The following MDGA2 variants were observed in gnomAD, a reference collection of about 807,000 sequenced individuals.
MDGA2 encodes MAM domain containing glycosylphosphatidylinositol anchor 2, also known as MAM domain-containing glycosylphosphatidylinositol anchor protein 2.
A neutral mutation model predicts 117.8 loss-of-function variants in MDGA2; 40 were observed. The ratio of observed to expected loss-of-function variants is 0.34; its 90% CI spans 0.26 to 0.44. MDGA2 has a LOEUF of 0.44. Ranked by LOEUF, MDGA2 falls within the 20% of genes least tolerant of loss-of-function variation. The pLI is 1.00. For synonymous variants in MDGA2, 452 were observed against 439.0 expected (o/e 1.03, Z -0.37); for missense variants, 1,123 against 1,250.6 (o/e 0.90, Z 1.54).
At chr14:46,912,824 C>G (rs774748091) in intron 10 of MDGA2, among the ~76,000 whole-genome samples, 1 of 152,152 alleles carries the variant, frequency 6.6e-6, no homozygotes, top group Non-Finnish European at 1.5e-5. Flanking sequence ...TCAAATTTAC[C>G]ATTTATATAT....
chr14:47,627,352 C>G (rs1334664365), intron 1 of MDGA2, among the ~76,000 whole-genome samples: 1 of 149,940 alleles, frequency 6.7e-6, no homozygotes, highest in Non-Finnish European at 1.5e-5. Context: ...CACCAACTGG[C>G]ACTCTGTGTC....
At chr14:46,860,620 T>G (rs917775795) in intron 14 of MDGA2, among the ~76,000 whole-genome samples, 7 of 152,012 alleles carry the variant, frequency 4.6e-5, no homozygotes, top group Non-Finnish European at 1.5e-5. Context: ...CAAACTTGTC[T>G]TCCACAGAAC....
intron 8 of MDGA2, among the ~76,000 whole-genome samples, chr14:47,022,006 C>T (rs4900722): frequency 0.85 from 129,401 of 152,188 alleles, 55,116 homozygotes; most frequent in East Asian, 0.97. Context: ...AAAAACTGTA[C>T]GTGTAGAGTT....
chr14:47,016,389 T>A (rs537469991), intron 8 of MDGA2, among the ~76,000 whole-genome samples: 1 of 152,122 alleles, frequency 6.6e-6, no homozygotes, highest in Admixed American at 6.5e-5. Context: ...TTAAGTCTGC[T>A]AGGTTTTTAA....
At chr14:47,233,827 AC>A (rs1343160476) in intron 2 of MDGA2, among the ~76,000 whole-genome samples, 3 of 152,236 alleles carry the variant, frequency 2.0e-5, no homozygotes, top group African/African-American at 4.8e-5. Flanking sequence ...CACTCCCACC[AC>A]AAGGACTGGG....
At chr14:47,511,142 T>C (rs1894631822) in intron 1 of MDGA2, among the ~76,000 whole-genome samples, 1 of 152,142 alleles carries the variant, frequency 6.6e-6, no homozygotes, top group South Asian at 2.1e-4. Context: ...CCTTCAGATC[T>C]TGGGACAGTA....
At chr14:47,159,881 C>T (rs1883559171) in intron 3 of MDGA2, among the ~76,000 whole-genome samples, 1 of 152,024 alleles carries the variant, frequency 6.6e-6, no homozygotes, top group African/African-American at 2.4e-5. Context: ...TAATTTTGTT[C>T]AGCAAATATC....
chr14:47,053,635 AT>A, intron 7 of MDGA2, among the ~76,000 whole-genome samples: 1 of 91,126 alleles, frequency 1.1e-5, no homozygotes, highest in Non-Finnish European at 2.3e-5. Context: ...ATATATATAT[AT>A]ATATATATAT....
At chr14:47,283,119 A>C (rs17670956) in intron 2 of MDGA2, among the ~76,000 whole-genome samples, 13,809 of 152,176 alleles carry the variant, frequency 0.091, 774 homozygotes, top group Non-Finnish European at 0.11. Flanking sequence ...TTGAATGCTT[A>C]TTTTAAATGT....
chr14:47,259,741 T>C (rs1390392849), intron 2 of MDGA2, among the ~76,000 whole-genome samples: 6 of 152,028 alleles, frequency 3.9e-5, no homozygotes, highest in Admixed American at 3.9e-4. Context: ...ATGACACTGG[T>C]TGCTGAAGTC....
At chr14:47,673,375 G>A (rs1443419546) in intron 1 of MDGA2, among the ~76,000 whole-genome samples, 1 of 152,116 alleles carries the variant, frequency 6.6e-6, no homozygotes, top group Non-Finnish European at 1.5e-5. Flanking sequence ...CATTGACTTA[G>A]TCCTGCAGCA....
chr14:47,343,038 C>T (rs1295003025), intron 1 of MDGA2: 1 of 1,273,222 alleles, frequency 7.9e-7, no homozygotes, highest in African/African-American at 1.5e-5. Flanking sequence ...AAGCAGGCAG[C>T]ACTACCGTGA....
In MDGA2 at chr14:47,061,462, G is replaced by A. The variant is rs370828108; in HGVS notation, c.1312C>T (p.Leu438=). Residue 438 remains leucine (L), a synonymous_variant, in exon 7 of 17, where the codon CTA becomes TTA. Transcript: ENST00000399232. The part of the protein sequence containing the change: ...CQVEAVPSEE[L]TFSWFKNGRP... ...CCATTTTTAAACCAACTAAATGTTAGCTCCTCAGAAGGAACAGCTTCTACT... is the reference window on the plus strand; with the variant it reads ...CCATTTTTAAACCAACTAAATGTTAACTCCTCAGAAGGAACAGCTTCTACT... 4 of 1,613,404 alleles carry A rather than the reference G, an allele frequency of 2.5e-6. No homozygotes were observed. Among genetic ancestry groups the A allele is most frequent in the Non-Finnish European group, 3.4e-6 (4 of 1,179,596 alleles).
intron 1 of MDGA2, among the ~76,000 whole-genome samples, chr14:47,548,072 A>G (rs889638180): frequency 8.5e-5 from 13 of 152,228 alleles, no homozygotes; most frequent in Non-Finnish European, 1.9e-4. Flanking sequence ...AATCAGATAA[A>G]AAAGTTACAA....
At chr14:46,842,771 A>T (rs1880670884) in intron 16 of MDGA2, among the ~76,000 whole-genome samples, 1 of 152,206 alleles carries the variant, frequency 6.6e-6, no homozygotes, top group Non-Finnish European at 1.5e-5. Context: ...ATTGAGTTTG[A>T]AAATTGAGAC....
intron 1 of MDGA2, among the ~76,000 whole-genome samples, chr14:47,539,825 G>C (rs1047833391): frequency 1.3e-5 from 2 of 152,150 alleles, no homozygotes; most frequent in Non-Finnish European, 2.9e-5. Flanking sequence ...AGTAGTAGCA[G>C]TCACCTGTAA....
intron 3 of MDGA2, among the ~76,000 whole-genome samples, chr14:47,173,070 G>A (rs560961690): frequency 2.1e-3 from 313 of 152,212 alleles, no homozygotes; most frequent in Middle Eastern, 6.8e-3. Flanking sequence ...TGAAATGAAT[G>A]AAATGAAGCG....
chr14:47,489,807 A>G (rs564742625), intron 1 of MDGA2, among the ~76,000 whole-genome samples: 2 of 152,124 alleles, frequency 1.3e-5, no homozygotes, highest in African/African-American at 2.4e-5. Flanking sequence ...TTACATTTCA[A>G]TATATCTTCA....
At position 47,179,560 on chromosome 14, in the gene MDGA2, G is replaced by A. The variant is rs367558410; in HGVS notation, c.596-35286C>T. Among the ~76,000 whole-genome samples, 17 of 151,940 alleles carry A rather than the reference G, an allele frequency of 1.1e-4. No homozygotes were observed. In the East Asian group the frequency reaches 1.7e-3, roughly 16 times the overall value. On this transcript the variant is annotated intron_variant, in intron 3 of 16. Coordinates refer to ENST00000399232, the MANE Select transcript of MDGA2 (RefSeq NM_001113498.3). ...GAGTCTCATTTACACATAATTAAAG[G>A]TTTGGGGTTTTCTTTGTAAAATCAT...
Sources: gnomAD v4.1 joint callset for allele counts (sites outside exome capture counted in the v4.1 genomes callset) on GRCh38, gnomAD v4.1.1 for gene constraint, MANE v1.5 for transcripts, NCBI Gene and HGNC (gene_info 2026-07-23, HGNC 2026-07-21) for gene names.